CPNE8: variants seen among roughly 807,000 people sequenced by gnomAD.
The protein encoded by CPNE8 is copine-8.
A neutral mutation model predicts 81.5 loss-of-function variants in CPNE8; 45 were observed. That is an observed-to-expected ratio of 0.55 (90% CI 0.44 to 0.71). The LOEUF is 0.71. Ranked by LOEUF, CPNE8 falls within the 30% of genes least tolerant of loss-of-function variation. The pLI is 0.00. For missense variants in CPNE8, 594 were observed against 672.1 expected (o/e 0.88, Z 1.28); for synonymous variants, 252 against 226.3 (o/e 1.11, Z -1.02).
At chr12:38,858,994 A>G (rs979702176) in intron 3 of CPNE8, among the ~76,000 whole-genome samples, 1 of 152,164 alleles carries the variant, frequency 6.6e-6, no homozygotes, top group African/African-American at 2.4e-5. Flanking sequence ...GCAACATCAT[A>G]CTCGTTGGTG....
At chr12:38,782,486 A>G (rs966451341) in intron 6 of CPNE8, among the ~76,000 whole-genome samples, 2 of 152,124 alleles carry the variant, frequency 1.3e-5, no homozygotes, top group African/African-American at 4.8e-5. Context: ...TAAGAAATTC[A>G]CTCTCAAGTA....
At chr12:38,849,974 T>G (rs1943620197) in intron 3 of CPNE8, among the ~76,000 whole-genome samples, 2 of 152,206 alleles carry the variant, frequency 1.3e-5, no homozygotes, top group Non-Finnish European at 2.9e-5. Context: ...ATCTGCATTC[T>G]TTCTAGGACT....
In CPNE8 at chr12:38,737,306, C is replaced by T. The variant is rs868288514; in HGVS notation, c.723-6948G>A. Reference sequence around the variant, plus strand: ...ATGGCTAAATAAATGCAATTAAATGCCATCACCTACTTTCCCACATACTAG... The same window carrying T: ...ATGGCTAAATAAATGCAATTAAATGTCATCACCTACTTTCCCACATACTAG... On this transcript the variant is annotated intron_variant, in intron 10 of 19. Coordinates refer to ENST00000331366, the MANE Select transcript of CPNE8 (RefSeq NM_153634.3). Among the ~76,000 whole-genome samples, 42 of 151,922 alleles carry T rather than the reference C, an allele frequency of 2.8e-4. 1 individual carries two copies. The Middle Eastern group carries it at 0.01, about 37-fold the overall frequency.
rs184216866 is a variant in CPNE8 at position 38,795,631 on chromosome 12, T to C, written c.408-19330A>G. On this transcript the variant is annotated intron_variant, in intron 6 of 19. Transcript: ENST00000331366. The stretch of plus-strand genomic sequence containing the variant: ...GAAATAAGCCAGTCACAGAAGATAC[T>C]GTATAATCCCACATATATGAAATAT... Among the ~76,000 whole-genome samples, 1,436 of 152,276 alleles carry C rather than the reference T, an allele frequency of 9.4e-3. 20 individuals are homozygous for C. The highest frequency in any genetic ancestry group is 0.04 in the South Asian group (194 of 4,822).
chr12:38,904,714 G>T lies in CPNE8; in HGVS notation c.98+723C>A, dbSNP rs569251760. ...GAACTCCTGACCTCGTGATCCACCC[G>T]CCTTGGCCTCCCAAAGTGCTGGGAA... On this transcript the variant is annotated intron_variant, in intron 1 of 19. Transcript: ENST00000331366. 1.8e-3 allele frequency among the ~76,000 whole-genome samples: 271 copies of T among 152,124 alleles called. 1 individual carries two copies. Among genetic ancestry groups the T allele is most frequent in the Non-Finnish European group, 3.3e-3 (226 of 68,018 alleles).
upstream of CPNE8, chr12:38,906,188 C>T: frequency 1.0e-6 from 1 of 985,620 alleles, no homozygotes; most frequent in Non-Finnish European, 1.2e-6. Flanking sequence ...TCCTACTGTG[C>T]CCTCGGGCAG....
intron 10 of CPNE8, among the ~76,000 whole-genome samples, chr12:38,739,788 T>C (rs1486347): frequency 0.81 from 122,277 of 151,748 alleles, 52,231 homozygotes; most frequent in Middle Eastern, 0.97. Flanking sequence ...CAATATATAC[T>C]GAAATTAATT....
upstream of CPNE8, chr12:38,906,569 C>T: frequency 2.0e-6 from 2 of 985,574 alleles, no homozygotes; most frequent in Non-Finnish European, 2.4e-6. Flanking sequence ...CGACTCCCAC[C>T]CGCAAGAACT....
At chr12:38,897,710 A>G (rs1944408039) in intron 1 of CPNE8, among the ~76,000 whole-genome samples, 1 of 151,718 alleles carries the variant, frequency 6.6e-6, no homozygotes, top group African/African-American at 2.4e-5. Flanking sequence ...GAGAATATAA[A>G]TGTGATGCTA....
intron 19 of CPNE8, among the ~76,000 whole-genome samples, chr12:38,663,654 C>T (rs1232933221): frequency 6.6e-6 from 1 of 151,990 alleles, no homozygotes; most frequent in Non-Finnish European, 1.5e-5. Flanking sequence ...ATCAGTATGT[C>T]AAATAAATAG....
At chr12:38,890,403 C>A (rs964618606) in intron 1 of CPNE8, among the ~76,000 whole-genome samples, 2 of 152,140 alleles carry the variant, frequency 1.3e-5, no homozygotes, top group Admixed American at 6.5e-5. Context: ...CTTAAGTAAA[C>A]TTCCTCATTT....
Position 38,884,920 on chromosome 12 carries a change from G to A in CPNE8, c.99-10409C>T, listed in dbSNP as rs539549255. Among the ~76,000 whole-genome samples the A allele has an allele frequency of 2.0e-5, 3 of 152,128 alleles. No individual in the cohort carries two copies. The East Asian group carries it at 5.8e-4, about 29-fold the overall frequency. ...CCAATGCTAACTCCCCACACCCAAA[G>A]TATATAAAACTGATTAGGATCCTTG... On this transcript the variant is annotated intron_variant, in intron 1 of 19. Coordinates refer to ENST00000331366, the MANE Select transcript of CPNE8 (RefSeq NM_153634.3).
intron 15 of CPNE8, among the ~76,000 whole-genome samples, chr12:38,689,204 G>A (rs142238580): frequency 4.6e-4 from 70 of 152,188 alleles, no homozygotes; most frequent in African/African-American, 1.2e-3. Flanking sequence ...AATAACACAT[G>A]TTAACTTGTA....
At chr12:38,738,381 T>C (rs187727963) in intron 10 of CPNE8, among the ~76,000 whole-genome samples, 3 of 152,252 alleles carry the variant, frequency 2.0e-5, no homozygotes, top group South Asian at 2.1e-4. Context: ...AATCAATCAA[T>C]ATGTAGAGAC....
intron 19 of CPNE8, among the ~76,000 whole-genome samples, chr12:38,658,763 G>T (rs1386893275): frequency 3.3e-5 from 5 of 152,126 alleles, no homozygotes; most frequent in East Asian, 3.9e-4. Flanking sequence ...TTAAAGAAAA[G>T]AATTTTCAAT....
At chr12:38,777,435 AGTTAAG>A (rs760790692) in intron 6 of CPNE8, among the ~76,000 whole-genome samples, 7 of 152,192 alleles carry the variant, frequency 4.6e-5, no homozygotes, top group Non-Finnish European at 5.9e-5. Flanking sequence ...CATTATAGTA[AGTTAAG>A]GTTAATTTAT....
chr12:38,806,233 A>G (rs1942798277), intron 6 of CPNE8, among the ~76,000 whole-genome samples: 2 of 150,184 alleles, frequency 1.3e-5, no homozygotes, highest in South Asian at 4.4e-4. Flanking sequence ...AAAAGAGGGA[A>G]TCCTCCCTAA....
intron 6 of CPNE8, among the ~76,000 whole-genome samples, chr12:38,797,596 G>A (rs1192301038): frequency 6.6e-6 from 1 of 152,000 alleles, no homozygotes; most frequent in African/African-American, 2.4e-5. Flanking sequence ...ACAAAGATGG[G>A]GAAAAAACAG....
At chr12:38,866,029 A>T (rs565171582) in intron 3 of CPNE8, among the ~76,000 whole-genome samples, 1 of 152,348 alleles carries the variant, frequency 6.6e-6, no homozygotes, top group Admixed American at 6.5e-5. Context: ...CAGTCTGCAG[A>T]TCTCTTTCCA....
Sources: allele counts gnomAD v4.1 joint callset (sites outside exome capture counted in the v4.1 genomes callset), GRCh38; gene constraint gnomAD v4.1.1; transcripts MANE v1.5; gene names NCBI Gene and HGNC (gene_info 2026-07-23, HGNC 2026-07-21).